The following GUCY2F variants were observed in gnomAD, a reference collection of about 807,000 sequenced individuals.
GUCY2F encodes the protein retinal guanylyl cyclase 2.
A neutral mutation model predicts 73.1 loss-of-function variants in GUCY2F; 61 were observed. The observed-to-expected ratio is 0.83, with a 90% CI of 0.68 to 1.03. The LOEUF is 1.03. Ranked by LOEUF, GUCY2F falls within the 50% of genes least tolerant of loss-of-function variation. GUCY2F has a pLI of 0.00. For synonymous variants in GUCY2F, 331 were observed against 307.8 expected, an observed-to-expected ratio of 1.08 and a Z score of -0.79; for missense variants, 912 against 854.3, an observed-to-expected ratio of 1.07 and a Z score of -0.84.
chrX:109,455,463 AT>A (rs1375606683), intron 3 of GUCY2F, among the ~76,000 whole-genome samples: 1 of 111,924 alleles, frequency 8.9e-6, no homozygotes, highest in Non-Finnish European at 1.9e-5. Context: ...CTACCTGAGC[AT>A]AAAATAAGGA....
intron 13 of GUCY2F, 41 bp downstream of exon 13, chrX:109,392,851 A>G (rs1930600434): frequency 2.4e-6 from 2 of 845,263 alleles, no homozygotes; most frequent in Non-Finnish European, 3.4e-6. Flanking sequence ...AACAGAACAC[A>G]CTGTTATAAG....
chrX:109,411,255 CAAAAAAAA>C (rs60845603), intron 8 of GUCY2F, among the ~76,000 whole-genome samples: 1 of 43,398 alleles, frequency 2.3e-5, no homozygotes, highest in Non-Finnish European at 5.0e-5. Context: ...ACTCCATTTT[CAAAAAAAA>C]AAAAAAAAAA....
intron 13 of GUCY2F, 148 bp from the exon 14 acceptor site, chrX:109,392,251 C>T (rs1391203697): frequency 1.3e-5 from 6 of 466,133 alleles, no homozygotes; most frequent in South Asian, 1.1e-4. Flanking sequence ...AACATTAATT[C>T]GTTCATTTAT....
intron 7 of GUCY2F, 140 bp downstream of exon 7, chrX:109,441,211 G>A (rs1184545658): frequency 5.5e-6 from 2 of 365,175 alleles, no homozygotes; most frequent in Non-Finnish European, 9.8e-6. Context: ...AACCAAACGA[G>A]TCCATAAGCA....
Position 109,409,102 on chromosome X carries a change from C to T in GUCY2F, c.1858G>A (p.Ala620Thr). 2.7e-6 allele frequency: 3 copies of T among 1,100,175 alleles called. No individual in the cohort carries two copies. Among genetic ancestry groups the T allele is most frequent in the Non-Finnish European group, 3.8e-6 (3 of 793,876 alleles). 90.7% of individuals were successfully genotyped at this position (1,100,175 alleles called of 1,213,427 possible). A position where few individuals can be genotyped will look rare whatever the true frequency, so the allele number is the denominator to read the frequency against. ...LGFFYDSGMF[A>T]IVTEFCSRGS... Reference sequence around the variant, plus strand: ...CGGGAACAGAATTCTGTCACAATGGCAAACATCCCCGAATCATAGAAGAAA... The same window carrying T: ...CGGGAACAGAATTCTGTCACAATGGTAAACATCCCCGAATCATAGAAGAAA... Residue 620 changes from alanine (A) to threonine (T), a missense_variant, in exon 9 of 20, where the codon GCC becomes ACC. Ala to Thr is a moderately conservative substitution (Grantham distance 58). Coordinates refer to ENST00000218006, the MANE Select transcript of GUCY2F (RefSeq NM_001522.3).
chrX:109,382,223 A>C lies in GUCY2F; in HGVS notation c.3056-11T>G. ...CATGAATGCGATAAGCTGCAAAAGA[A>C]GGAGAGACATGATTTGGGCTCCTTT... On this transcript the variant is annotated splice_polypyrimidine_tract_variant and intron_variant, in intron 16 of 19. Coordinates refer to ENST00000218006, the MANE Select transcript of GUCY2F (RefSeq NM_001522.3). The C allele has an allele frequency of 9.4e-7, 1 of 1,064,183 alleles. No homozygotes were observed. The highest frequency in any genetic ancestry group is 1.3e-6 in the Non-Finnish European group (1 of 764,136). 87.7% of individuals were successfully genotyped at this position (1,064,183 alleles called of 1,213,427 possible). A position where few individuals can be genotyped will look rare whatever the true frequency, so the allele number is the denominator to read the frequency against.
intron 9 of GUCY2F, among the ~76,000 whole-genome samples, chrX:109,405,658 T>C (rs1490260411): frequency 8.9e-6 from 1 of 111,817 alleles, no homozygotes; most frequent in Non-Finnish European, 1.9e-5. Context: ...CTTCAGTACT[T>C]CTGAGTAGAG....
At chrX:109,425,767 C>T (rs1484058720) in intron 8 of GUCY2F, among the ~76,000 whole-genome samples, 4 of 110,294 alleles carry the variant, frequency 3.6e-5, no homozygotes, top group African/African-American at 1.3e-4. Context: ...ATTCATGTAA[C>T]CAAATACTAC....
At chrX:109,388,728 T>A in intron 14 of GUCY2F, 65 bp from the exon 15 acceptor site, 2 of 774,388 alleles carry the variant, frequency 2.6e-6, no homozygotes, top group Non-Finnish European at 3.9e-6. Context: ...CACAGAGCTG[T>A]AAGGGTATAA....
rs761391907 is a variant in GUCY2F, at chrX:109,465,413, A to G, written c.761T>C (p.Ile254Thr). The G allele has an allele frequency of 1.2e-4, 139 of 1,201,773 alleles. No individual in the cohort carries two copies. The highest frequency in any genetic ancestry group is 6.9e-4 in the Middle Eastern group (3 of 4,322). Residue 254 changes from isoleucine to threonine, a missense_variant, in exon 3 of 20, where the codon ATT becomes ACT. By Grantham distance (89) the Ile-to-Thr change is moderately conservative (BLOSUM62 -1). Transcript: ENST00000218006. ...GAGATGCATCTGAGTCTCTCCCCCA[A>G]TCAAAGCTGAATGCATACACATGAT... Reference protein sequence around the residue: ...IIIMCMHSALIGGETQMHLLE... With the variant: ...IIIMCMHSALTGGETQMHLLE...
intron 14 of GUCY2F, among the ~76,000 whole-genome samples, chrX:109,390,454 T>C (rs1930534280): frequency 8.9e-6 from 1 of 111,949 alleles, no homozygotes; most frequent in African/African-American, 3.2e-5. Flanking sequence ...AATTTTTATT[T>C]CCTTTGCACT....
chrX:109,477,746 C>T (rs769836287), intron 1 of GUCY2F, among the ~76,000 whole-genome samples: 1 of 112,222 alleles, frequency 8.9e-6, no homozygotes, highest in Non-Finnish European at 1.9e-5. Flanking sequence ...TCAGGCCAAA[C>T]TGGTTGTTTA....
At chrX:109,415,794 G>A (rs1038080982) in intron 8 of GUCY2F, among the ~76,000 whole-genome samples, 2 of 111,959 alleles carry the variant, frequency 1.8e-5, no homozygotes, top group African/African-American at 3.2e-5. Context: ...AGTCCTTGCT[G>A]GTAGAAATTA....
chrX:109,408,719 T>C (rs926175311), intron 9 of GUCY2F, among the ~76,000 whole-genome samples: 2 of 111,911 alleles, frequency 1.8e-5, no homozygotes, highest in African/African-American at 6.5e-5. Context: ...CTTTTGCTTC[T>C]TCCTCATTTT....
Position 109,388,595 on chromosome X carries a change from T to C in GUCY2F, c.2850A>G (p.Ala950=). 8.3e-7 allele frequency: 1 copy of C among 1,199,683 alleles called. No individual in the cohort carries two copies. Among genetic ancestry groups the C allele is most frequent in the Non-Finnish European group, 1.1e-6 (1 of 884,817 alleles). Residue 950 remains alanine, a synonymous_variant, in exon 15 of 20, where the codon GCA becomes GCG. Transcript: ENST00000218006. ...CTAAGGACATGTTTGCAATCTCAGC[T>C]GCATGCCTACTGCCATTCCTCTTTG... ...GLPKRNGSRH[A]AEIANMSLDI...
At position 109,417,509 on chromosome X, in the gene GUCY2F, G is replaced by A. The variant is rs1931273798; in HGVS notation, c.1792-8341C>T. ...ATGTATCGCTAAAATGCCAATATAG[G>A]AAACAAAACGGAATATATGAAAAAC... On this transcript the variant is annotated intron_variant, in intron 8 of 19. Coordinates refer to ENST00000218006, the MANE Select transcript of GUCY2F (RefSeq NM_001522.3). Among the ~76,000 whole-genome samples, 3 of 110,884 alleles carry A rather than the reference G, an allele frequency of 2.7e-5. No homozygotes were observed. The Admixed American group carries it at 2.9e-4, about 11-fold the overall frequency.
At chrX:109,445,547 A>G (rs1309149667) in intron 6 of GUCY2F, among the ~76,000 whole-genome samples, 3 of 112,183 alleles carry the variant, frequency 2.7e-5, no homozygotes, top group Non-Finnish European at 5.6e-5. Flanking sequence ...GGAAACAGGT[A>G]TCCCAGGGAT....
intron 5 of GUCY2F, among the ~76,000 whole-genome samples, chrX:109,451,472 G>T (rs1262027557): frequency 2.7e-5 from 3 of 111,685 alleles, no homozygotes; most frequent in African/African-American, 9.8e-5. Context: ...TGTCTGGGAA[G>T]GGGTTGAGAT....
intron 17 of GUCY2F, among the ~76,000 whole-genome samples, chrX:109,381,377 C>A (rs1930303876): frequency 9.0e-6 from 1 of 111,540 alleles, no homozygotes; most frequent in Non-Finnish European, 1.9e-5. Flanking sequence ...TGACCCTGCT[C>A]AAACTACTTC....
Sources: gnomAD v4.1 joint callset for allele counts (sites outside exome capture counted in the v4.1 genomes callset) on GRCh38, gnomAD v4.1.1 for gene constraint, MANE v1.5 for transcripts, NCBI Gene and HGNC (gene_info 2026-07-23, HGNC 2026-07-21) for gene names.